Variants in RYR2 observed in about 807,000 individuals in gnomAD.
The protein encoded by RYR2 is cardiac muscle ryanodine receptor-calcium release channel.
Under a neutral mutation model 601.1 loss-of-function variants are expected in RYR2, and 227 were observed. The observed-to-expected ratio is 0.38, with a 90% CI of 0.34 to 0.42. The LOEUF is 0.42. Among genes scored for constraint, RYR2 ranks in the 10% least tolerant of loss-of-function variants. The pLI is 1.00. For synonymous variants in RYR2, 2,223 were observed against 2,175.1 expected (o/e 1.02, Z -0.61); for missense variants, 4,646 against 6,156.5 (o/e 0.75, Z 8.21).
intron 4 of RYR2, among the ~76,000 whole-genome samples, chr1:237,361,428 G>A (rs1699774684): frequency 6.6e-6 from 1 of 152,148 alleles, no homozygotes; most frequent in South Asian, 2.1e-4. Flanking sequence ...GAGAGGAAAA[G>A]ATGGCGAAAA....
chr1:237,251,021 C>G (rs1687402309), intron 1 of RYR2, among the ~76,000 whole-genome samples: 1 of 121,940 alleles, frequency 8.2e-6, no homozygotes, highest in African/African-American at 3.1e-5. Flanking sequence ...TACCAATTCC[C>G]CAACAGATGT....
chr1:237,046,066 A>T (rs1660564848), intron 1 of RYR2, among the ~76,000 whole-genome samples: 1 of 152,108 alleles, frequency 6.6e-6, no homozygotes, highest in African/African-American at 2.4e-5. Context: ...TCTTTTGCAG[A>T]ATGAAGTATT....
At chr1:237,666,463 C>G in intron 56 of RYR2, 49 bp from the exon 57 acceptor site, 1 of 1,508,834 alleles carries the variant, frequency 6.6e-7, no homozygotes, top group South Asian at 1.2e-5. Flanking sequence ...TTAAGTCTCT[C>G]TTCACAAGGT....
chr1:237,541,416 G>A (rs1248434565), intron 25 of RYR2, among the ~76,000 whole-genome samples: 1 of 152,134 alleles, frequency 6.6e-6, no homozygotes, highest in Non-Finnish European at 1.5e-5. Context: ...ATCTTCTCAA[G>A]TGGTCTCCCT....
chr1:237,771,004 C>A, intron 85 of RYR2, 117 bp downstream of exon 85: 1 of 548,964 alleles, frequency 1.8e-6, no homozygotes, highest in Non-Finnish European at 3.2e-6. Context: ...ACAAATCATT[C>A]TAGAGCATGA....
chr1:237,230,028 T>C (rs982324055), intron 1 of RYR2, among the ~76,000 whole-genome samples: 4 of 152,208 alleles, frequency 2.6e-5, no homozygotes, highest in African/African-American at 9.7e-5. Context: ...TCTAGATTAT[T>C]TCTTTGGTGT....
intron 29 of RYR2, among the ~76,000 whole-genome samples, chr1:237,570,054 A>G (rs2990544): frequency 0.61 from 92,891 of 151,482 alleles, 30,119 homozygotes; most frequent in Non-Finnish European, 0.71. Flanking sequence ...CATGTCTACT[A>G]AAAAATACAA....
intron 1 of RYR2, among the ~76,000 whole-genome samples, chr1:237,163,363 C>A (rs867540252): frequency 2.0e-4 from 28 of 139,870 alleles, no homozygotes; most frequent in Non-Finnish European, 2.4e-4. Flanking sequence ...CTACCCCCCC[C>A]ACCCCCACCC....
chr1:237,388,012 T>A lies in RYR2; in HGVS notation c.677-75T>A. On this transcript the variant is annotated intron_variant, in intron 9 of 104. Transcript: ENST00000366574. ...CAGTTTCTTTACGAAAGTAGAAGAT[T>A]GGACCAGATGATCTGTCTGGCTATC... The A allele has an allele frequency of 6.0e-6, 8 of 1,324,348 alleles. 1 individual carries two copies. The highest frequency in any genetic ancestry group is 8.6e-6 in the Non-Finnish European group (8 of 931,946). 82.0% of individuals were successfully genotyped at this position (1,324,348 alleles called of 1,614,324 possible). A position where few individuals can be genotyped will look rare whatever the true frequency, so the allele number is the denominator to read the frequency against.
chr1:237,177,517 T>C (rs1678191679), intron 1 of RYR2, among the ~76,000 whole-genome samples: 2 of 152,230 alleles, frequency 1.3e-5, no homozygotes, highest in African/African-American at 2.4e-5. Flanking sequence ...TACTTGCTTG[T>C]TTCTGAACTT....
At chr1:237,426,895 T>TA (rs916150774) in intron 12 of RYR2, among the ~76,000 whole-genome samples, 1 of 151,690 alleles carries the variant, frequency 6.6e-6, no homozygotes, top group East Asian at 1.9e-4. Context: ...AAACTAAAAA[T>TA]AAAAAAATTA....
chr1:237,500,566 A>G, intron 20 of RYR2, 145 bp from the exon 21 acceptor site: 2 of 641,434 alleles, frequency 3.1e-6, no homozygotes, highest in East Asian at 2.6e-5. Context: ...TTAACATGTA[A>G]CATGCGTTTA....
chr1:237,163,358 C>CCCCCA (rs1553323800), intron 1 of RYR2, among the ~76,000 whole-genome samples: 1 of 135,136 alleles, frequency 7.4e-6, no homozygotes, highest in Non-Finnish European at 1.6e-5. Flanking sequence ...ACCCCCTACC[C>CCCCCA]CCCCCACCCC....
intron 2 of RYR2, among the ~76,000 whole-genome samples, chr1:237,322,617 T>C (rs776474414): frequency 1.3e-4 from 20 of 152,198 alleles, no homozygotes; most frequent in Non-Finnish European, 2.5e-4. Flanking sequence ...AAATGTTCAC[T>C]GAAGGCTCTA....
chr1:237,305,134 T>C (rs1030493157), intron 2 of RYR2, among the ~76,000 whole-genome samples: 1 of 152,200 alleles, frequency 6.6e-6, no homozygotes, highest in Non-Finnish European at 1.5e-5. Flanking sequence ...TTTAGGATTG[T>C]CTCTTAGGTA....
At chr1:237,473,431 C>CTCTTTCTTTCTCTCTTTCTTTCTTTCTT (rs1660980418) in intron 17 of RYR2, among the ~76,000 whole-genome samples, 2 of 115,854 alleles carry the variant, frequency 1.7e-5, no homozygotes, top group African/African-American at 6.3e-5. Flanking sequence ...CTCTCTCTCT[C>CTCTTTCTTTCTCTCTTTCTTTCTTTCTT]TCTTTCTTTC....
intron 2 of RYR2, among the ~76,000 whole-genome samples, chr1:237,310,344 CA>C (rs1210234897): frequency 6.6e-6 from 1 of 152,070 alleles, no homozygotes; most frequent in Non-Finnish European, 1.5e-5. Flanking sequence ...TTCACTCTGC[CA>C]AAAAGAAAAA....
In RYR2 at chr1:237,617,211, C is replaced by T. The variant is rs562018814; in HGVS notation, c.5716-75C>T. On this transcript the variant is annotated intron_variant, in intron 37 of 104. Coordinates refer to ENST00000366574, the MANE Select transcript of RYR2 (RefSeq NM_001035.3). ...AAGAGTAGGCAACTAAGGATGTTTA[C>T]CACAGATTATGATTTCATACACATT... is the stretch of plus-strand genomic sequence containing the variant. The T allele has an allele frequency of 3.1e-3, 4,141 of 1,339,674 alleles. 9 individuals carry two copies. Among genetic ancestry groups the T allele is most frequent in the Non-Finnish European group, 3.7e-3 (3,659 of 984,120 alleles). 83.0% of individuals were successfully genotyped at this position (1,339,674 alleles called of 1,614,324 possible).
Position 237,306,866 on chromosome 1 carries a change from G to C in RYR2, c.169-24012G>C, listed in dbSNP as rs527462757. On this transcript the variant is annotated intron_variant, in intron 2 of 104. Transcript: ENST00000366574. ...GAATCAAGCCTTATTTGGGCCTTCTGAGTTTCAGTTCATCGTTTCTACTGT... is the reference window on the plus strand; with the variant it reads ...GAATCAAGCCTTATTTGGGCCTTCTCAGTTTCAGTTCATCGTTTCTACTGT... 2.0e-4 allele frequency among the ~76,000 whole-genome samples: 30 copies of C among 152,212 alleles called. No individual in the cohort carries two copies. In the South Asian group the frequency reaches 5.4e-3, roughly 27 times the overall value.
Sources: allele counts gnomAD v4.1 joint callset (sites outside exome capture counted in the v4.1 genomes callset), GRCh38; gene constraint gnomAD v4.1.1; transcripts MANE v1.5; gene names NCBI Gene and HGNC (gene_info 2026-07-23, HGNC 2026-07-21).